Variants in SLC25A20 observed in about 807,000 individuals in gnomAD.
SLC25A20 encodes mitochondrial carnitine/acylcarnitine carrier protein.
A neutral mutation model predicts 39.7 loss-of-function variants in SLC25A20; 29 were observed. That is an observed-to-expected ratio of 0.73 (90% CI 0.54 to 1.00). The LOEUF (loss-of-function observed/expected upper bound fraction) is 1.00. SLC25A20 is among the 50% of genes least tolerant of loss of function. The pLI is 0.00. For synonymous variants in SLC25A20, 103 were observed against 142.2 expected, an observed-to-expected ratio of 0.72 and a Z score of 1.96; for missense variants, 333 against 379.9, an observed-to-expected ratio of 0.88 and a Z score of 1.03.
chr3:48,896,809 C>T (rs893620691), intron 1 of SLC25A20, among the ~76,000 whole-genome samples: 2 of 151,984 alleles, frequency 1.3e-5, no homozygotes, highest in Admixed American at 1.3e-4. Flanking sequence ...ATGAGCCCAC[C>T]GTGACCGGCC....
chr3:48,890,999 C>T (rs2083869922), intron 2 of SLC25A20, among the ~76,000 whole-genome samples: 1 of 152,044 alleles, frequency 6.6e-6, no homozygotes, highest in African/African-American at 2.4e-5. Context: ...CCCAGCCATG[C>T]AAGGCCACTA....
At chr3:48,884,569 C>T (rs533707194) in intron 2 of SLC25A20, among the ~76,000 whole-genome samples, 86 of 151,978 alleles carry the variant, frequency 5.7e-4, no homozygotes, top group Non-Finnish European at 7.5e-4. Context: ...AAGCTGGTCT[C>T]GAACTCCTGG....
chr3:48,890,550 C>A (rs1287515312), intron 2 of SLC25A20, among the ~76,000 whole-genome samples: 3 of 151,682 alleles, frequency 2.0e-5, no homozygotes, highest in African/African-American at 7.3e-5. Context: ...CTCTCTGCTT[C>A]GGCTACCTAA....
At chr3:48,874,736 C>A (rs540369030) in intron 4 of SLC25A20, among the ~76,000 whole-genome samples, 9 of 151,962 alleles carry the variant, frequency 5.9e-5, no homozygotes, top group South Asian at 4.2e-4. Context: ...TGTGATAATA[C>A]GAATGAATCT....
intron 4 of SLC25A20, among the ~76,000 whole-genome samples, chr3:48,863,879 G>A (rs1426983415): frequency 6.6e-6 from 1 of 151,868 alleles, no homozygotes; most frequent in Non-Finnish European, 1.5e-5. Flanking sequence ...GCCAGGCGTG[G>A]TGGTACATGC....
chr3:48,896,640 AG>A (rs1396017195), intron 1 of SLC25A20, among the ~76,000 whole-genome samples: 2 of 151,426 alleles, frequency 1.3e-5, no homozygotes, highest in Admixed American at 1.3e-4. Flanking sequence ...CCTCCCAATT[AG>A]CTGGGATTAC....
In SLC25A20 at chr3:48,863,464, C is replaced by T. The variant is rs185197016; in HGVS notation, c.418-805G>A. 3.9e-5 allele frequency among the ~76,000 whole-genome samples: 6 copies of T among 152,250 alleles called. No individual in the cohort carries two copies. The East Asian group carries it at 9.7e-4, about 25-fold the overall frequency. ...GAGCCAGAGGAGGGCCAAAGAGAGG[C>T]TCCTACCCCGCCCCTGAGAGCCAAG... On this transcript the variant is annotated intron_variant, in intron 4 of 8. Coordinates refer to ENST00000319017, the MANE Select transcript of SLC25A20 (RefSeq NM_000387.6).
chr3:48,880,276 T>C (rs551826897), intron 3 of SLC25A20, among the ~76,000 whole-genome samples: 5 of 152,078 alleles, frequency 3.3e-5, no homozygotes, highest in African/African-American at 1.2e-4. Flanking sequence ...TTTTCTTTCG[T>C]CTTTTTGTTT....
chr3:48,890,916 A>C (rs1346173856), intron 2 of SLC25A20, among the ~76,000 whole-genome samples: 1 of 151,680 alleles, frequency 6.6e-6, no homozygotes, highest in Non-Finnish European at 1.5e-5. Flanking sequence ...AGCCTCCCAA[A>C]GTGCTGGGAT....
chr3:48,894,268 CTTT>C (rs529100766), intron 1 of SLC25A20, among the ~76,000 whole-genome samples: 7 of 115,034 alleles, frequency 6.1e-5, no homozygotes, highest in Non-Finnish European at 3.6e-5. Flanking sequence ...ATTGGATTGT[CTTT>C]TTTTTTTTTT....
chr3:48,876,823 C>G (rs2083761551), intron 4 of SLC25A20, among the ~76,000 whole-genome samples: 1 of 152,034 alleles, frequency 6.6e-6, no homozygotes. Context: ...TGGCTGAGCA[C>G]AGTGGATCAT....
intron 5 of SLC25A20, among the ~76,000 whole-genome samples, 185 bp from the exon 6 acceptor site, chr3:48,859,812 A>G (rs1278057371): frequency 6.6e-6 from 1 of 152,144 alleles, no homozygotes; most frequent in African/African-American, 2.4e-5. Flanking sequence ...ATTTGGTTCA[A>G]TTTATTTGCT....
At chr3:48,870,811 C>G (rs2083709240) in intron 4 of SLC25A20, among the ~76,000 whole-genome samples, 1 of 130,970 alleles carries the variant, frequency 7.6e-6, no homozygotes, top group Non-Finnish European at 1.6e-5. Context: ...GGCCAGGAAT[C>G]AGATTTTTTT....
At chr3:48,883,545 C>CT (rs1337843174) in intron 3 of SLC25A20, among the ~76,000 whole-genome samples, 2 of 144,066 alleles carry the variant, frequency 1.4e-5, no homozygotes, top group Non-Finnish European at 3.0e-5. Flanking sequence ...GAGCAAAACT[C>CT]TGTCTCAAAA....
intron 1 of SLC25A20, among the ~76,000 whole-genome samples, chr3:48,894,158 CAAAA>C (rs1264070423): frequency 1.5e-5 from 1 of 65,152 alleles, no homozygotes; most frequent in Non-Finnish European, 2.9e-5. Context: ...GACTCCTTCT[CAAAA>C]AAAAAAAAAA....
intron 1 of SLC25A20, among the ~76,000 whole-genome samples, chr3:48,894,914 T>G (rs1158500035): frequency 6.6e-6 from 1 of 152,202 alleles, no homozygotes; most frequent in Non-Finnish European, 1.5e-5. Flanking sequence ...GCCTCCCAGG[T>G]TCAAGCGATT....
chr3:48,885,580 C>A (rs775614789), intron 2 of SLC25A20, among the ~76,000 whole-genome samples: 15 of 151,954 alleles, frequency 9.9e-5, no homozygotes, highest in Non-Finnish European at 1.8e-4. Context: ...CCAAGGCAGG[C>A]GGATCACAAG....
In SLC25A20 at chr3:48,894,680, C is replaced by T. The variant is rs138184973; in HGVS notation, c.106-2608G>A. ...TTGCTCTGTCACCTAAGCTGGCATG[C>T]AGTGGTGCCATCTTGGCTAACTGCA... On this transcript the variant is annotated intron_variant, in intron 1 of 8. Coordinates refer to ENST00000319017, the MANE Select transcript of SLC25A20 (RefSeq NM_000387.6). Among the ~76,000 whole-genome samples, 82 of 152,282 alleles carry T rather than the reference C, an allele frequency of 5.4e-4. 1 individual carries two copies. In the East Asian group the frequency reaches 0.015, roughly 27 times the overall value.
chr3:48,865,894 G>A (rs2083664240), intron 4 of SLC25A20, among the ~76,000 whole-genome samples: 1 of 152,028 alleles, frequency 6.6e-6, no homozygotes, highest in Non-Finnish European at 1.5e-5. Context: ...ACTTTGGGAG[G>A]CCGAGGCAGG....
Sources: allele counts gnomAD v4.1 joint callset (sites outside exome capture counted in the v4.1 genomes callset), GRCh38; gene constraint gnomAD v4.1.1; transcripts MANE v1.5; gene names NCBI Gene and HGNC (gene_info 2026-07-23, HGNC 2026-07-21).